The following PCDH11X variants were observed in gnomAD, a reference collection of about 807,000 sequenced individuals.
The protein encoded by PCDH11X is protocadherin-11 X-linked.
A neutral mutation model predicts 53.3 loss-of-function variants in PCDH11X; 18 were observed. The observed-to-expected ratio is 0.34, with a 90% CI of 0.23 to 0.50. PCDH11X has a LOEUF of 0.50. PCDH11X is among the 20% of genes least tolerant of loss of function. PCDH11X has a pLI of 0.98. For synonymous variants in PCDH11X, 279 were observed against 393.3 expected (o/e 0.71, Z 3.44); for missense variants, 570 against 1,032.4 (o/e 0.55, Z 6.14).
At chrX:92,382,059 A>G (rs2070887680) in intron 8 of PCDH11X, among the ~76,000 whole-genome samples, 1 of 111,461 alleles carries the variant, frequency 9.0e-6, no homozygotes, top group African/African-American at 3.3e-5. Context: ...ATTACAAATC[A>G]TTTGGCTAAG....
At chrX:92,400,330 C>T (rs950578861) in intron 9 of PCDH11X, among the ~76,000 whole-genome samples, 1 of 111,496 alleles carries the variant, frequency 9.0e-6, no homozygotes, top group Non-Finnish European at 1.9e-5. Context: ...TGGATCATTG[C>T]TAGTGTTGAA....
At chrX:92,444,274 A>G (rs1394467825) in intron 9 of PCDH11X, among the ~76,000 whole-genome samples, 2 of 107,442 alleles carry the variant, frequency 1.9e-5, no homozygotes, top group Non-Finnish European at 3.8e-5. Flanking sequence ...TAGGTATTTT[A>G]TGTTTTTGGT....
chrX:92,596,255 C>G (rs1925588781), intron 10 of PCDH11X, among the ~76,000 whole-genome samples: 1 of 111,901 alleles, frequency 8.9e-6, no homozygotes, highest in South Asian at 3.7e-4. Context: ...CTCATATTCT[C>G]CTGGGACCAA....
rs183236113 is a variant in PCDH11X at position 92,488,165 on chromosome X, T to C, written c.3367+19843T>C. 4.6e-3 allele frequency among the ~76,000 whole-genome samples: 509 copies of C among 109,993 alleles called. 7 individuals carry two copies. The South Asian group carries it at 0.065, about 14-fold the overall frequency. On this transcript the variant is annotated intron_variant, in intron 10 of 10. Transcript: ENST00000682573. ...TCTTTTGTTAACCTCTCAACATCAGTATCATCTTTGTGAAGTGAGAGCGCA... is the reference window on the plus strand; with the variant it reads ...TCTTTTGTTAACCTCTCAACATCAGCATCATCTTTGTGAAGTGAGAGCGCA...
At chrX:92,401,678 G>T (rs1200396860) in intron 9 of PCDH11X, among the ~76,000 whole-genome samples, 1 of 111,947 alleles carries the variant, frequency 8.9e-6, no homozygotes, top group Non-Finnish European at 1.9e-5. Context: ...AGTTAGTAAA[G>T]AAACTTCTGT....
intron 8 of PCDH11X, among the ~76,000 whole-genome samples, chrX:92,375,167 T>TATATATATATATA (rs1491474868): frequency 2.2e-3 from 16 of 7,344 alleles, no homozygotes; most frequent in East Asian, 7.6e-3. Flanking sequence ...TATATATATA[T>TATATATATATATA]TTTTTTTTTT....
intron 5 of PCDH11X, among the ~76,000 whole-genome samples, chrX:91,851,188 CTG>C (rs1239774584): frequency 9.0e-6 from 1 of 111,166 alleles, no homozygotes; most frequent in Non-Finnish European, 1.9e-5. Flanking sequence ...TGTTTACTGA[CTG>C]TACATCAGAA....
intron 6 of PCDH11X, among the ~76,000 whole-genome samples, chrX:92,056,313 T>G (rs889835966): frequency 1.8e-5 from 2 of 112,013 alleles, no homozygotes; most frequent in African/African-American, 6.5e-5. Context: ...TCATGATGGT[T>G]GGCTGCATGT....
rs1254212899 is a variant in PCDH11X at position 92,618,757 on chromosome X, T to G, written c.3861T>G (p.Asp1287Glu). Residue 1287 changes from aspartate (D) to glutamate (E), a missense_variant, in exon 11 of 11, where the codon GAT becomes GAG. By Grantham distance (45) the Asp-to-Glu change is conservative. This residue lies in a region of PCDH11X where 234 missense variants were observed against 296.1 expected (regional missense o/e 0.79). Transcript: ENST00000682573. ...SLQQGWVQGA[D>E]GLCSVDQGVQ... is the part of the protein sequence containing the mutation. The stretch of plus-strand genomic sequence containing the variant: ...AGCAAGGTTGGGTGCAAGGTGCTGA[T>G]GGGCTATGCTCTGTTGATCAGGGAG... 2 of 1,210,546 alleles carry G rather than the reference T, an allele frequency of 1.7e-6. No homozygotes were observed. Among genetic ancestry groups the G allele is most frequent in the East Asian group, 3.0e-5 (1 of 33,772 alleles).
At chrX:92,114,083 T>G (rs1446248785) in intron 6 of PCDH11X, 2 of 1,156,999 alleles carry the variant, frequency 1.7e-6, no homozygotes, top group Non-Finnish European at 2.4e-6. Context: ...GAGGCACCCA[T>G]GTAGTCTACT....
At chrX:92,288,091 C>T (rs1216990815) in intron 8 of PCDH11X, 6 of 475,435 alleles carry the variant, frequency 1.3e-5, no homozygotes, top group Middle Eastern at 4.4e-4. Flanking sequence ...TATAAACTAC[C>T]CAGTCTCAGG....
chrX:91,909,225 T>C (rs768319341), intron 6 of PCDH11X, among the ~76,000 whole-genome samples: 4 of 111,694 alleles, frequency 3.6e-5, no homozygotes, highest in African/African-American at 9.7e-5. Context: ...CATACTTTAT[T>C]GGAAAAAGTG....
At chrX:92,159,986 T>C (rs1264504020) in intron 6 of PCDH11X, among the ~76,000 whole-genome samples, 22 of 110,024 alleles carry the variant, frequency 2.0e-4, no homozygotes, top group Non-Finnish European at 3.8e-5. Context: ...AAGGCACTTA[T>C]CATGAGACTC....
intron 9 of PCDH11X, chrX:92,460,290 G>A (rs1205934864): frequency 2.5e-6 from 2 of 801,748 alleles, no homozygotes; most frequent in Non-Finnish European, 1.9e-6. Flanking sequence ...TCAGGGAGGA[G>A]CTGCTCTTCA....
At chrX:92,039,077 T>C (rs982519668) in intron 6 of PCDH11X, among the ~76,000 whole-genome samples, 9 of 112,261 alleles carry the variant, frequency 8.0e-5, no homozygotes, top group Non-Finnish European at 1.7e-4. Context: ...TGGAGACTCA[T>C]AGAAGCACTG....
chrX:92,192,660 T>A (rs996911541), intron 6 of PCDH11X, among the ~76,000 whole-genome samples: 30 of 111,660 alleles, frequency 2.7e-4, no homozygotes, highest in Admixed American at 2.4e-3. Flanking sequence ...ATTCTCTTTT[T>A]AAACAATTAG....
intron 6 of PCDH11X, among the ~76,000 whole-genome samples, chrX:91,907,314 C>T (rs1231917770): frequency 1.2e-5 from 1 of 83,051 alleles, no homozygotes; most frequent in Non-Finnish European, 2.3e-5. Context: ...ATTTCTGTTA[C>T]TTCCCCAAAG....
At chrX:92,617,125 T>C (rs1928060162) in intron 10 of PCDH11X, among the ~76,000 whole-genome samples, 1 of 111,787 alleles carries the variant, frequency 8.9e-6, no homozygotes, top group Non-Finnish European at 1.9e-5. Context: ...TGGGGAAAAG[T>C]ATTCAATACT....
chrX:92,508,209 C>A (rs2074098845), intron 10 of PCDH11X, among the ~76,000 whole-genome samples: 1 of 86,043 alleles, frequency 1.2e-5, no homozygotes, highest in Non-Finnish European at 2.6e-5. Flanking sequence ...AGTAACTCTA[C>A]TTTGTTTTTT....
Sources: gnomAD v4.1 joint callset for allele counts (sites outside exome capture counted in the v4.1 genomes callset) on GRCh38, gnomAD v4.1.1 for gene constraint, gnomAD v4.1.1 regional missense constraint, MANE v1.5 for transcripts, NCBI Gene and HGNC (gene_info 2026-07-23, HGNC 2026-07-21) for gene names.